The following TBX15 variants were observed in gnomAD, a reference collection of about 807,000 sequenced individuals.
TBX15 encodes the protein T-box transcription factor 15, also known as T-box transcription factor TBX15.
A neutral mutation model predicts 53.9 loss-of-function variants in TBX15; 18 were observed. The ratio of observed to expected loss-of-function variants is 0.33; its 90% confidence interval spans 0.23 to 0.49. The LOEUF is 0.49. Among genes scored for constraint, TBX15 ranks in the 20% least tolerant of loss-of-function variants. The pLI is 0.98. For synonymous variants in TBX15, 295 were observed against 278.0 expected (o/e 1.06, Z -0.61); for missense variants, 692 against 749.5 (o/e 0.92, Z 0.90).
intron 2 of TBX15, among the ~76,000 whole-genome samples, chr1:118,927,460 A>T (rs1571181208): frequency 6.6e-6 from 1 of 152,238 alleles, no homozygotes; most frequent in Non-Finnish European, 1.5e-5. Context: ...GTGTAAAAGA[A>T]AAAAAGGAAG....
chr1:118,934,231 T>C (rs948438978), intron 1 of TBX15, among the ~76,000 whole-genome samples: 6 of 152,144 alleles, frequency 3.9e-5, no homozygotes, highest in Non-Finnish European at 8.8e-5. Flanking sequence ...GGATTACACC[T>C]CTAATGACCT....
At position 118,946,470 on chromosome 1, in the gene TBX15, G is replaced by A. The variant is rs544533481; in HGVS notation, c.206-14638C>T. On this transcript the variant is annotated intron_variant, in intron 1 of 7. Coordinates refer to ENST00000369429, the MANE Select transcript of TBX15 (RefSeq NM_001330677.2). ...TTTAAAAGGCCTTAAGGACTACACTGGTTTGATAGGTTTTCTTCAAGTGTA... is the reference window on the plus strand; with the variant it reads ...TTTAAAAGGCCTTAAGGACTACACTAGTTTGATAGGTTTTCTTCAAGTGTA... Among the ~76,000 whole-genome samples the A allele has an allele frequency of 2.7e-3, 409 of 152,196 alleles. 2 individuals carry two copies. The highest frequency in any genetic ancestry group is 1.0e-2 in the South Asian group (48 of 4,820).
intron 1 of TBX15, among the ~76,000 whole-genome samples, chr1:118,954,111 C>T (rs1291206788): frequency 6.6e-6 from 1 of 152,154 alleles, no homozygotes; most frequent in Non-Finnish European, 1.5e-5. Flanking sequence ...TTTCTTCTTC[C>T]CCAACACATA....
At chr1:118,970,054 C>G (rs1657180207) in intron 1 of TBX15, among the ~76,000 whole-genome samples, 1 of 152,254 alleles carries the variant, frequency 6.6e-6, no homozygotes, top group African/African-American at 2.4e-5. Flanking sequence ...TGCGTGTTCT[C>G]TGTCTCCTGC....
chr1:118,899,795 C>A (rs1329444775), intron 6 of TBX15, among the ~76,000 whole-genome samples: 2 of 152,236 alleles, frequency 1.3e-5, no homozygotes, highest in South Asian at 2.1e-4. Flanking sequence ...ATTTTAGTAA[C>A]CTAATAATCA....
chr1:118,984,499 T>C, intron 1 of TBX15, among the ~76,000 whole-genome samples: 1 of 148,318 alleles, frequency 6.7e-6, no homozygotes, highest in African/African-American at 2.4e-5. Flanking sequence ...GCCTGAAATA[T>C]ACTTGCAAGG....
intron 2 of TBX15, among the ~76,000 whole-genome samples, chr1:118,926,932 G>A (rs1655619177): frequency 6.6e-6 from 1 of 151,856 alleles, no homozygotes; most frequent in African/African-American, 2.4e-5. Context: ...CACCATATTA[G>A]CCAGGCTGAT....
chr1:118,914,290 T>C (rs1655116522), intron 5 of TBX15, 111 bp from the exon 6 acceptor site: 1 of 1,028,712 alleles, frequency 9.7e-7, no homozygotes. Context: ...TGCTTTTATT[T>C]AATTTCCTTT....
intron 1 of TBX15, among the ~76,000 whole-genome samples, chr1:118,934,805 C>T (rs1449918194): frequency 6.6e-6 from 1 of 152,200 alleles, no homozygotes; most frequent in East Asian, 1.9e-4. Flanking sequence ...ATGGGCAAGT[C>T]TGTGGAGGCA....
rs905401970 is a variant in TBX15, at chr1:118,932,010, G to C, written c.206-178C>G. Among the ~76,000 whole-genome samples the C allele has an allele frequency of 4.6e-5, 7 of 152,048 alleles. No homozygotes were observed. In the East Asian group the frequency reaches 1.3e-3, roughly 29 times the overall value. On this transcript the variant is annotated intron_variant, in intron 1 of 7. Transcript: ENST00000369429. ...GGTATTTTATTATTTTTTATGGTTTGTTTTTGTGATTTATGACCTTCTTTC... is the reference window on the plus strand; with the variant it reads ...GGTATTTTATTATTTTTTATGGTTTCTTTTTGTGATTTATGACCTTCTTTC...
At chr1:118,930,521 T>C (rs1655743639) in intron 2 of TBX15, among the ~76,000 whole-genome samples, 1 of 152,204 alleles carries the variant, frequency 6.6e-6, no homozygotes, top group African/African-American at 2.4e-5. Context: ...CTTCAAGCGA[T>C]TCTCCTGCCT....
chr1:118,960,608 C>G (rs1656838779), intron 1 of TBX15, among the ~76,000 whole-genome samples: 2 of 152,158 alleles, frequency 1.3e-5, no homozygotes, highest in Non-Finnish European at 2.9e-5. Flanking sequence ...GGAATGGCTG[C>G]AGGGAAGGCC....
intron 1 of TBX15, among the ~76,000 whole-genome samples, chr1:118,973,771 C>T (rs1290260574): frequency 6.6e-6 from 1 of 152,132 alleles, no homozygotes; most frequent in Non-Finnish European, 1.5e-5. Flanking sequence ...CCCCTACACA[C>T]ATACACACAC....
chr1:118,959,101 G>A (rs1470534881), intron 1 of TBX15, among the ~76,000 whole-genome samples: 1 of 151,320 alleles, frequency 6.6e-6, no homozygotes, highest in Admixed American at 6.6e-5. Flanking sequence ...ATTCCTTGAG[G>A]GAGAGGGTAG....
chr1:118,941,697 G>C (rs1656182872), intron 1 of TBX15, among the ~76,000 whole-genome samples: 1 of 152,154 alleles, frequency 6.6e-6, no homozygotes, highest in Admixed American at 6.5e-5. Flanking sequence ...AATTGAGTAA[G>C]AGATGATCCA....
At chr1:118,978,786 A>G (rs1156440711) in intron 1 of TBX15, among the ~76,000 whole-genome samples, 1 of 152,216 alleles carries the variant, frequency 6.6e-6, no homozygotes, top group East Asian at 1.9e-4. Context: ...TAATTTTTTA[A>G]CTAAATCCTT....
At chr1:118,919,013 C>T (rs1046838908) in intron 5 of TBX15, among the ~76,000 whole-genome samples, 1 of 152,176 alleles carries the variant, frequency 6.6e-6, no homozygotes, top group African/African-American at 2.4e-5. Context: ...TTTGAGCCAG[C>T]AAAATGGCTC....
chr1:118,908,980 G>C lies in TBX15; in HGVS notation c.926+5135C>G, dbSNP rs190023770. Among the ~76,000 whole-genome samples, 3 of 152,086 alleles carry C rather than the reference G, an allele frequency of 2.0e-5. No homozygotes were observed. In the South Asian group the frequency reaches 6.2e-4, roughly 32 times the overall value. ...CTCCCAGTGAAGACTTCTCATCAGGGGCTTAATTACTTGGTAATGGAAAGT... is the reference window on the plus strand; with the variant it reads ...CTCCCAGTGAAGACTTCTCATCAGGCGCTTAATTACTTGGTAATGGAAAGT... On this transcript the variant is annotated intron_variant, in intron 6 of 7. Coordinates refer to ENST00000369429, the MANE Select transcript of TBX15 (RefSeq NM_001330677.2).
chr1:118,893,263 A>AAAGGAAGAAGG (rs1654218101), intron 7 of TBX15, among the ~76,000 whole-genome samples: 1 of 124,692 alleles, frequency 8.0e-6, no homozygotes, highest in African/African-American at 3.1e-5. Context: ...AGGAAGAAAG[A>AAAGGAAGAAGG]AAGGAAGAAG....
Sources: allele counts gnomAD v4.1 joint callset (sites outside exome capture counted in the v4.1 genomes callset), GRCh38; gene constraint gnomAD v4.1.1; transcripts MANE v1.5; gene names NCBI Gene and HGNC (gene_info 2026-07-23, HGNC 2026-07-21).